Variants in LRRC3B observed in about 807,000 individuals in gnomAD.
The protein encoded by LRRC3B is leucine-rich repeat-containing protein 3B.
In LRRC3B, 2 loss-of-function variants were observed where a neutral mutation model predicts 12.8. That is an observed-to-expected ratio of 0.16 (90% confidence interval 0.06 to 0.49). The LOEUF (loss-of-function observed/expected upper bound fraction) is 0.49, where lower values mean the gene tolerates loss of function less well. Ranked by LOEUF, LRRC3B falls within the 20% of genes least tolerant of loss-of-function variation. The probability of loss-of-function intolerance (pLI) is 0.96; values close to 1 mark genes in which losing one functional copy is unlikely to be tolerated. For synonymous variants in LRRC3B, 132 were observed against 122.0 expected (o/e 1.08, Z -0.54); for missense variants, 189 against 319.4 (o/e 0.59, Z 3.11).
At chr3:26,680,951 G>A (rs1349548851) in intron 1 of LRRC3B, among the ~76,000 whole-genome samples, 1 of 152,106 alleles carries the variant, frequency 6.6e-6, no homozygotes, top group Non-Finnish European at 1.5e-5. Context: ...AGGACCAAAG[G>A]TAACATTGGA....
chr3:26,655,794 G>A (rs528884161), intron 1 of LRRC3B, among the ~76,000 whole-genome samples: 2 of 152,094 alleles, frequency 1.3e-5, no homozygotes, highest in Non-Finnish European at 2.9e-5. Context: ...TGGTTACTAA[G>A]TGTCTGTCAT....
At chr3:26,669,274 G>C (rs1699671151) in intron 1 of LRRC3B, among the ~76,000 whole-genome samples, 1 of 152,156 alleles carries the variant, frequency 6.6e-6, no homozygotes, top group Non-Finnish European at 1.5e-5. Context: ...TGTTTCCACT[G>C]TGCCATTTCT....
rs370432888 is a variant in LRRC3B at position 26,634,546 on chromosome 3, G to A, written c.-161+11309G>A. Among the ~76,000 whole-genome samples the A allele has an allele frequency of 1.4e-4, 21 of 152,274 alleles. No homozygotes were observed. The East Asian group carries it at 2.7e-3, about 20-fold the overall frequency. On this transcript the variant is annotated intron_variant, in intron 1 of 1. Transcript: ENST00000396641. Reference sequence around the variant, plus strand: ...TATTTATTGATTCTGCATGGATTCAGGGTGACAGGGAAAAGGTTCAATTCA... The same window carrying A: ...TATTTATTGATTCTGCATGGATTCAAGGTGACAGGGAAAAGGTTCAATTCA...
At chr3:26,678,455 C>G (rs1449359659) in intron 1 of LRRC3B, among the ~76,000 whole-genome samples, 2 of 151,906 alleles carry the variant, frequency 1.3e-5, no homozygotes, top group Non-Finnish European at 2.9e-5. Flanking sequence ...GATCATACCA[C>G]TGCATTTCAG....
At position 26,703,435 on chromosome 3, in the gene LRRC3B, G is replaced by C. The variant is rs575078083; in HGVS notation, c.-160-6078G>C. 1.1e-4 allele frequency among the ~76,000 whole-genome samples: 17 copies of C among 152,146 alleles called. No individual in the cohort carries two copies. The East Asian group carries it at 3.3e-3, about 29-fold the overall frequency. On this transcript the variant is annotated intron_variant, in intron 1 of 1. Coordinates refer to ENST00000396641, the Ensembl canonical transcript of LRRC3B. ...TTGCTTTTGACAGAGAGACTCAAAG[G>C]CTGGCAGAGGAGTGTAAAAGCATTA...
intron 1 of LRRC3B, among the ~76,000 whole-genome samples, chr3:26,700,214 G>C (rs755810222): frequency 1.3e-5 from 2 of 152,118 alleles, no homozygotes; most frequent in Non-Finnish European, 2.9e-5. Context: ...TATCAGAGTG[G>C]CCTTTAAGAA....
At chr3:26,691,040 T>C (rs978176275) in intron 1 of LRRC3B, among the ~76,000 whole-genome samples, 8 of 145,958 alleles carry the variant, frequency 5.5e-5, no homozygotes, top group Non-Finnish European at 1.2e-4. Context: ...TATATGTGTG[T>C]ATATATGTAT....
chr3:26,670,513 G>A (rs1240224904), intron 1 of LRRC3B, among the ~76,000 whole-genome samples: 1 of 152,082 alleles, frequency 6.6e-6, no homozygotes, highest in African/African-American at 2.4e-5. Context: ...TCTACAAAAT[G>A]GAGCTAAGGA....
At chr3:26,665,674 T>C (rs1575140731) in intron 1 of LRRC3B, among the ~76,000 whole-genome samples, 1 of 152,214 alleles carries the variant, frequency 6.6e-6, no homozygotes, top group African/African-American at 2.4e-5. Context: ...ATTATCTTCT[T>C]GATTTACCAG....
intron 1 of LRRC3B, chr3:26,694,427 A>G (rs1700258783): frequency 6.6e-6 from 1 of 152,056 alleles, no homozygotes; most frequent in Non-Finnish European, 1.5e-5. Context: ...CATAATATTC[A>G]TTTGTAGAAC....
intron 1 of LRRC3B, among the ~76,000 whole-genome samples, chr3:26,691,698 A>T (rs947706321): frequency 6.6e-6 from 1 of 152,176 alleles, no homozygotes; most frequent in Non-Finnish European, 1.5e-5. Flanking sequence ...CAATGGTCAA[A>T]ATGAAATGGG....
chr3:26,664,896 T>C (rs933115460), intron 1 of LRRC3B, among the ~76,000 whole-genome samples: 1 of 151,478 alleles, frequency 6.6e-6, no homozygotes, highest in South Asian at 2.1e-4. Flanking sequence ...CTAGAAGGCT[T>C]AATAAAATGT....
At chr3:26,694,173 G>A (rs905770485) in intron 1 of LRRC3B, among the ~76,000 whole-genome samples, 1 of 152,110 alleles carries the variant, frequency 6.6e-6, no homozygotes, top group Non-Finnish European at 1.5e-5. Flanking sequence ...AGTAATTGTA[G>A]TAGTAGAGGT....
At chr3:26,646,822 T>C (rs1699161600) in intron 1 of LRRC3B, among the ~76,000 whole-genome samples, 1 of 152,030 alleles carries the variant, frequency 6.6e-6, no homozygotes, top group Non-Finnish European at 1.5e-5. Flanking sequence ...CAGTGTGGTA[T>C]AGTGTCAGAT....
chr3:26,680,813 CAG>C (rs1699955733), intron 1 of LRRC3B, among the ~76,000 whole-genome samples: 2 of 152,330 alleles, frequency 1.3e-5, no homozygotes, highest in South Asian at 2.1e-4. Flanking sequence ...CTAGCCCAGA[CAG>C]GGGATTTATT....
chr3:26,690,622 C>T lies in LRRC3B; in HGVS notation c.-160-18891C>T, dbSNP rs528292052. On this transcript the variant is annotated intron_variant, in intron 1 of 1. Coordinates refer to ENST00000396641, the Ensembl canonical transcript of LRRC3B. Reference sequence around the variant, plus strand: ...AGCAACATTATTCTCTGTGGAACTTCGACTAACTGCACAGTATAGAAAAGA... The same window carrying T: ...AGCAACATTATTCTCTGTGGAACTTTGACTAACTGCACAGTATAGAAAAGA... 1.2e-4 allele frequency among the ~76,000 whole-genome samples: 18 copies of T among 152,054 alleles called. 1 individual carries two copies. In the South Asian group the frequency reaches 2.9e-3, roughly 25 times the overall value.
At chr3:26,672,889 AAC>A (rs1343686369) in intron 1 of LRRC3B, among the ~76,000 whole-genome samples, 2 of 152,208 alleles carry the variant, frequency 1.3e-5, no homozygotes, top group Non-Finnish European at 2.9e-5. Flanking sequence ...TAATATTTTT[AAC>A]ATTCCACCAG....
intron 1 of LRRC3B, among the ~76,000 whole-genome samples, chr3:26,656,334 G>A (rs1479066002): frequency 2.0e-5 from 3 of 152,136 alleles, no homozygotes; most frequent in Admixed American, 1.3e-4. Flanking sequence ...GATTGTGCGG[G>A]CAGTTTGAGG....
chr3:26,677,822 A>T (rs1699892041), intron 1 of LRRC3B, among the ~76,000 whole-genome samples: 1 of 151,614 alleles, frequency 6.6e-6, no homozygotes, highest in African/African-American at 2.4e-5. Flanking sequence ...GTTTTGTGAG[A>T]CAGGGTCTCA....
Sources: allele counts gnomAD v4.1 joint callset (sites outside exome capture counted in the v4.1 genomes callset), GRCh38; gene constraint gnomAD v4.1.1; transcripts MANE v1.5; gene names NCBI Gene and HGNC (gene_info 2026-07-23, HGNC 2026-07-21).